Variants in GOT1 observed in about 807,000 individuals in gnomAD.
GOT1 encodes the protein glutamic-oxaloacetic transaminase 1, also known as aspartate aminotransferase, cytoplasmic.
In GOT1, 25 loss-of-function variants were observed where a neutral mutation model predicts 48.2. The observed-to-expected ratio is 0.52, with a 90% CI of 0.38 to 0.72. The LOEUF (loss-of-function observed/expected upper bound fraction) is 0.72, where lower values mean the gene tolerates loss of function less well. Ranked by LOEUF, GOT1 falls within the 30% of genes least tolerant of loss-of-function variation. The probability of loss-of-function intolerance (pLI) is 0.00; values close to 1 mark genes in which losing one functional copy is unlikely to be tolerated. For missense variants in GOT1, 380 were observed against 520.1 expected (o/e 0.73, Z 2.62); for synonymous variants, 188 against 193.8 (o/e 0.97, Z 0.25).
At chr10:99,422,209 C>T (rs923390546) in intron 1 of GOT1, among the ~76,000 whole-genome samples, 11 of 152,208 alleles carry the variant, frequency 7.2e-5, no homozygotes, top group African/African-American at 2.2e-4. Context: ...TTTGCTCTCT[C>T]TCCTGCTGGG....
chr10:99,416,333 C>A (rs2032894567), intron 2 of GOT1, among the ~76,000 whole-genome samples: 2 of 152,238 alleles, frequency 1.3e-5, no homozygotes, highest in South Asian at 4.1e-4. Flanking sequence ...GAATGAACTA[C>A]CATTCACAAT....
chr10:99,423,303 CTG>C (rs748318080), intron 1 of GOT1, among the ~76,000 whole-genome samples: 22 of 152,246 alleles, frequency 1.4e-4, no homozygotes, highest in Admixed American at 9.2e-4. Flanking sequence ...AATTTATTAA[CTG>C]TGTTGCTTTA....
chr10:99,418,494 C>CTTTTTTT (rs11394746), intron 2 of GOT1, among the ~76,000 whole-genome samples: 45 of 140,554 alleles, frequency 3.2e-4, no homozygotes, highest in Non-Finnish European at 4.4e-4. Flanking sequence ...TCCCCACTTT[C>CTTTTTTT]TTTTTTTTTT....
intron 7 of GOT1, among the ~76,000 whole-genome samples, chr10:99,403,157 C>G (rs954237088): frequency 2.0e-5 from 3 of 152,036 alleles, no homozygotes; most frequent in Non-Finnish European, 4.4e-5. Flanking sequence ...ACTGCCTAGA[C>G]GTTCGATATT....
chr10:99,418,140 A>G (rs1012911284), intron 2 of GOT1, among the ~76,000 whole-genome samples: 1 of 151,980 alleles, frequency 6.6e-6, no homozygotes, highest in Non-Finnish European at 1.5e-5. Context: ...AGATGCCAAG[A>G]GAGTATCCAA....
At chr10:99,427,371 C>T (rs2033052452) in intron 1 of GOT1, among the ~76,000 whole-genome samples, 1 of 152,172 alleles carries the variant, frequency 6.6e-6, no homozygotes, top group Non-Finnish European at 1.5e-5. Context: ...TGGGTTCACG[C>T]CATTCTCCTG....
chr10:99,419,414 A>G (rs2032938769), intron 2 of GOT1, among the ~76,000 whole-genome samples: 1 of 152,176 alleles, frequency 6.6e-6, no homozygotes. Flanking sequence ...TGGCTGCCAG[A>G]ATCAGCCTGC....
In GOT1 at chr10:99,406,822, T is replaced by A; in HGVS notation, c.328A>T (p.Thr110Ser). 1 of 1,613,876 alleles carries A rather than the reference T, an allele frequency of 6.2e-7. No homozygotes were observed. Among genetic ancestry groups the A allele is most frequent in the Non-Finnish European group, 8.5e-7 (1 of 1,179,754 alleles). ...RVGGVQSLGGTGALRIGADFL... is the reference protein window; with the variant it reads ...RVGGVQSLGGSGALRIGADFL... ...TCAGCTCCAATTCGAAGTGCACCTGTTCCCCCCAAAGATTGCACACCTCCT... is the reference window on the plus strand; with the variant it reads ...TCAGCTCCAATTCGAAGTGCACCTGATCCCCCCAAAGATTGCACACCTCCT... Residue 110 changes from threonine to serine, a missense_variant, in exon 3 of 9, where the codon ACA (threonine) becomes TCA (serine). Transcript: ENST00000370508.
At chr10:99,401,468 C>T (rs918770615) in intron 8 of GOT1, among the ~76,000 whole-genome samples, 2 of 152,168 alleles carry the variant, frequency 1.3e-5, no homozygotes, top group Non-Finnish European at 2.9e-5. Context: ...AGCCACACAT[C>T]CCTCCCTAGA....
chr10:99,402,399 G>T (rs1305976277), intron 8 of GOT1, among the ~76,000 whole-genome samples, 181 bp downstream of exon 8: 1 of 152,194 alleles, frequency 6.6e-6, no homozygotes, highest in African/African-American at 2.4e-5. Context: ...ACTCTTCTGA[G>T]ACCCAGAGAG....
At chr10:99,409,747 A>C (rs1184829340) in intron 2 of GOT1, among the ~76,000 whole-genome samples, 1 of 152,208 alleles carries the variant, frequency 6.6e-6, no homozygotes, top group African/African-American at 2.4e-5. Context: ...TCCTGAGATA[A>C]ATGCTTAGTA....
Position 99,413,033 on chromosome 10 carries a change from C to T in GOT1, c.301-6184G>A, listed in dbSNP as rs537680667. Among the ~76,000 whole-genome samples the T allele has an allele frequency of 3.3e-5, 5 of 152,306 alleles. No individual in the cohort carries two copies. In the South Asian group the frequency reaches 1.0e-3, roughly 32 times the overall value. On this transcript the variant is annotated intron_variant, in intron 2 of 8. Transcript: ENST00000370508. Reference sequence around the variant, plus strand: ...CTGAAAATTCTAAAAATCAGAGTGCCTCTCCTCCTACAAAGGAATGCAGCT... The same window carrying T: ...CTGAAAATTCTAAAAATCAGAGTGCTTCTCCTCCTACAAAGGAATGCAGCT...
At chr10:99,420,862 A>G (rs2032956978) in intron 1 of GOT1, 57 bp from the exon 2 acceptor site, 1 of 1,361,318 alleles carries the variant, frequency 7.3e-7, no homozygotes, top group Non-Finnish European at 1.0e-6. Context: ...CCAAGTTAAG[A>G]GTTTGTAACT....
intron 2 of GOT1, among the ~76,000 whole-genome samples, chr10:99,408,585 G>A (rs1250536161): frequency 6.6e-6 from 1 of 152,158 alleles, no homozygotes; most frequent in African/African-American, 2.4e-5. Context: ...TGGGCATGGT[G>A]GCACACACCT....
chr10:99,430,292 G>A, intron 1 of GOT1, 156 bp downstream of exon 1: 1 of 1,573,530 alleles, frequency 6.4e-7, no homozygotes, highest in Non-Finnish European at 8.6e-7. Context: ...AAATGGGCAG[G>A]TTTTAGGAAG....
chr10:99,425,035 T>G (rs2033020899), intron 1 of GOT1, among the ~76,000 whole-genome samples: 1 of 152,220 alleles, frequency 6.6e-6, no homozygotes, highest in African/African-American at 2.4e-5. Context: ...CACTGGCTAG[T>G]AGAAGCTATA....
chr10:99,401,372 T>C (rs1180266943), intron 8 of GOT1, among the ~76,000 whole-genome samples: 1 of 152,200 alleles, frequency 6.6e-6, no homozygotes, highest in Non-Finnish European at 1.5e-5. Context: ...CTTTGGATTT[T>C]TCTGAGCCCA....
At chr10:99,405,992 C>A in intron 4 of GOT1, 132 bp from the exon 5 acceptor site, 1 of 800,128 alleles carries the variant, frequency 1.2e-6, no homozygotes, top group African/African-American at 1.7e-5. Flanking sequence ...CTCTTTTGTG[C>A]CCTCTCTCTT....
In GOT1 at chr10:99,406,358, C is replaced by A. The variant is rs1334340752; in HGVS notation, c.425-109G>T. On this transcript the variant is annotated intron_variant, in intron 3 of 8. Transcript: ENST00000370508. ...CCTCCCAGGCTCAATGTCCACTGGG[C>A]ATCATCCAGGCTGGGGGTTAAGATG... 3 of 761,910 alleles carry A rather than the reference C, an allele frequency of 3.9e-6. No homozygotes were observed. In the African/African-American group the frequency reaches 5.1e-5, roughly 13 times the overall value. The allele number at this position is 761,910 out of a possible 1,614,324, so 47.2% of individuals were successfully genotyped here. A position where few individuals can be genotyped will look rare whatever the true frequency, so the allele number is the denominator to read the frequency against.
Sources: allele counts gnomAD v4.1 joint callset (sites outside exome capture counted in the v4.1 genomes callset), GRCh38; gene constraint gnomAD v4.1.1; transcripts MANE v1.5; gene names NCBI Gene and HGNC (gene_info 2026-07-23, HGNC 2026-07-21).